Variants in OR4N5 observed in about 807,000 individuals in gnomAD.
OR4N5 encodes olfactory receptor family 4 subfamily N member 5, also known as olfactory receptor 4N5.
For missense variants in OR4N5, 428 were observed against 370.0 expected (o/e 1.16, Z -1.29); for synonymous variants, 155 against 140.6 (o/e 1.10, Z -0.72).
At chr14:20,141,790 A>T (rs1374000003) in intron 2 of OR4N5, among the ~76,000 whole-genome samples, 1 of 152,194 alleles carries the variant, frequency 6.6e-6, no homozygotes, top group Non-Finnish European at 1.5e-5. Flanking sequence ...AAAATTCACC[A>T]TTTAAAGTAT....
In OR4N5 at chr14:20,144,500, T is replaced by C; in HGVS notation, c.765T>C (p.Ile255=). ...IIIFLMFGPA[I]FIYTCPFQAF... ...TATTTCTCATGTTTGGACCTGCTAT[T>C]TTCATCTACACTTGCCCCTTCCAGG... The change falls in exon 3 of 3, where the codon ATT becomes ATC. Residue 255 remains isoleucine (I), a synonymous_variant. Transcript: ENST00000641086. The C allele has an allele frequency of 6.2e-7, 1 of 1,613,952 alleles. No individual in the cohort carries two copies. The highest frequency in any genetic ancestry group is 2.2e-5 in the East Asian group (1 of 44,844).
chr14:20,141,457 A>G (rs1354350858), intron 2 of OR4N5, among the ~76,000 whole-genome samples: 1 of 152,208 alleles, frequency 6.6e-6, no homozygotes, highest in Non-Finnish European at 1.5e-5. Flanking sequence ...CATGTGTTGT[A>G]AGTACTTATT....
intron 1 of OR4N5, among the ~76,000 whole-genome samples, chr14:20,140,473 G>A (rs1459615507): frequency 1.3e-5 from 2 of 152,302 alleles, no homozygotes; most frequent in South Asian, 2.1e-4. Context: ...AGTGAATGAG[G>A]AAGGATAAGG....
At position 20,144,012 on chromosome 14, in the gene OR4N5, T is replaced by A; in HGVS notation, c.277T>A (p.Ser93Thr). The A allele has an allele frequency of 6.2e-7, 1 of 1,614,078 alleles. No homozygotes were observed. The highest frequency in any genetic ancestry group is 8.5e-7 in the Non-Finnish European group (1 of 1,179,980). ...CTTCCTCTCTGAGAAGAAGGTAATCTCCTATAGAAGCTGCATCACTCAGCT... is the reference window on the plus strand; with the variant it reads ...CTTCCTCTCTGAGAAGAAGGTAATCACCTATAGAAGCTGCATCACTCAGCT... Reference protein sequence around the residue: ...VDFLSEKKVISYRSCITQLFF... With the variant: ...VDFLSEKKVITYRSCITQLFF... Residue 93 changes from serine (S) to threonine (T), a missense_variant, in exon 3 of 3, where the codon TCC becomes ACC. By Grantham distance (58) the Ser-to-Thr change is moderately conservative. Coordinates refer to ENST00000641086, the MANE Select transcript of OR4N5 (RefSeq NM_001004724.2).
rs1878665255 is a variant in OR4N5 at position 20,143,808 on chromosome 14, CT to C, written c.75del (p.Leu26TrpfsTer5). 6.2e-7 allele frequency: 1 copy of C among 1,613,890 alleles called. No homozygotes were observed. Among genetic ancestry groups the C allele is most frequent in the Non-Finnish European group, 8.5e-7 (1 of 1,179,896 alleles). ...TCTGACCCAGTCTCAAGATGCTCAA[CT>C]TCTGGTCTTTGTGCTAGTCTTAATT... is the stretch of plus-strand genomic sequence containing the variant. Reference protein sequence around the residue: ...LGLTQSQDAQLLVFVLVLIFY... With the variant: ...LGLTQSQDAQXLVFVLVLIFY... On this transcript the variant is annotated frameshift_variant, in exon 3 of 3. Transcript: ENST00000641086. LOFTEE classifies it low-confidence loss of function (END_TRUNC).
Position 20,144,645 on chromosome 14 carries a change from C to A in OR4N5, c.910C>A (p.Gln304Lys). 1.2e-6 allele frequency: 2 copies of A among 1,607,694 alleles called. No homozygotes were observed. Among genetic ancestry groups the A allele is most frequent in the South Asian group, 2.2e-5 (2 of 90,086 alleles). Residue 304 changes from glutamine (Q) to lysine (K), a missense_variant, in exon 3 of 3, where the codon CAA becomes AAA. Physicochemically the swap from Gln to Lys is moderately conservative, Grantham distance 53. Transcript: ENST00000641086. ...AGCTTCCATGAGGAAGTTGTTAAGT[C>A]AACATATGTTTTGCTGAATAGAAGA... ...VKASMRKLLS[Q>K]HMFC
intron 2 of OR4N5, among the ~76,000 whole-genome samples, chr14:20,142,597 G>C (rs571912565): frequency 6.6e-6 from 1 of 152,156 alleles, no homozygotes; most frequent in South Asian, 2.1e-4. Flanking sequence ...TTTAGACAAA[G>C]CTATGGCCAG....
intron 2 of OR4N5, 66 bp from the exon 3 acceptor site, chr14:20,143,659 A>G (rs866454273): frequency 1.9e-6 from 2 of 1,028,876 alleles, no homozygotes; most frequent in Middle Eastern, 2.1e-4. Flanking sequence ...TTATCTGGAG[A>G]GGAGATAGAA....
chr14:20,141,172 A>G lies in OR4N5; in HGVS notation c.-51A>G, dbSNP rs1030658174. The G allele has an allele frequency of 1.3e-5, 2 of 152,132 alleles. No homozygotes were observed. Among genetic ancestry groups the G allele is most frequent in the Admixed American group, 6.6e-5 (1 of 15,260 alleles). The allele number at this position is 152,132 out of a possible 1,614,324, so 9.4% of individuals were successfully genotyped here. On this transcript the variant is annotated 5_prime_UTR_variant, in exon 2 of 3. Coordinates refer to ENST00000641086, the MANE Select transcript of OR4N5 (RefSeq NM_001004724.2). ...GGAATCCTCAACCTGGAGAAGCATG[A>G]GATAACTAACTATAATTGAACATCT...
chr14:20,139,607 A>G (rs1308656103), intron 1 of OR4N5, among the ~76,000 whole-genome samples: 1 of 152,076 alleles, frequency 6.6e-6, no homozygotes, highest in Non-Finnish European at 1.5e-5. Flanking sequence ...CATGGTATCC[A>G]TTTTTTGCTA....
chr14:20,143,781 G>C lies in OR4N5; in HGVS notation c.46G>C (p.Gly16Arg), dbSNP rs1427769827. The part of the protein sequence containing the change: ...LTVVTEFILL[G>R]LTQSQDAQLL... ...AGTGGTGACAGAATTCATTCTTCTTGGTCTGACCCAGTCTCAAGATGCTCA... is the reference window on the plus strand; with the variant it reads ...AGTGGTGACAGAATTCATTCTTCTTCGTCTGACCCAGTCTCAAGATGCTCA... Residue 16 changes from glycine to arginine, a missense_variant, in exon 3 of 3, where the codon GGT becomes CGT. Transcript: ENST00000641086. 1.9e-6 allele frequency: 3 copies of C among 1,613,560 alleles called. No homozygotes were observed. Among genetic ancestry groups the C allele is most frequent in the South Asian group, 1.1e-5 (1 of 91,000 alleles).
chr14:20,144,122 T>A lies in OR4N5; in HGVS notation c.387T>A (p.Pro129=), dbSNP rs1435655326. ...AFDRYIAICR[P]LHYSTIMNPR... is the part of the protein sequence containing the mutation. ...ACCGCTACATCGCCATCTGCCGGCC[T>A]TTACACTATTCAACCATCATGAACC... The change falls in exon 3 of 3, where the codon CCT becomes CCA. Residue 129 remains proline, a synonymous_variant. Transcript: ENST00000641086. 1.9e-6 allele frequency: 3 copies of A among 1,614,028 alleles called. No homozygotes were observed. The African/African-American group carries it at 4.0e-5, about 22-fold the overall frequency.
intron 1 of OR4N5, among the ~76,000 whole-genome samples, chr14:20,140,126 G>A (rs906170064): frequency 5.9e-5 from 9 of 152,136 alleles, no homozygotes; most frequent in African/African-American, 2.2e-4. Flanking sequence ...CTCTACCTTG[G>A]AACAGGTTAA....
Position 20,140,960 on chromosome 14 carries a change from A to G in OR4N5, c.-263A>G, listed in dbSNP as rs1692790378. ...TGTGTCCTCCATCTCTGTGACAAAT[A>G]CAATTTGAGAATCAACAGAACAAAA... is the stretch of plus-strand genomic sequence containing the variant. On this transcript the variant is annotated 5_prime_UTR_variant, in exon 2 of 3. In the 5' UTR this introduces an upstream ATG that the reference lacks. Transcript: ENST00000641086. 2 of 152,098 alleles carry G rather than the reference A, an allele frequency of 1.3e-5. No homozygotes were observed. Among genetic ancestry groups the G allele is most frequent in the African/African-American group, 4.8e-5 (2 of 41,424 alleles). 9.4% of individuals were successfully genotyped at this position (152,098 alleles called of 1,614,324 possible).
At chr14:20,140,400 A>G (rs546927685) in intron 1 of OR4N5, among the ~76,000 whole-genome samples, 84 of 152,328 alleles carry the variant, frequency 5.5e-4, no homozygotes, top group Non-Finnish European at 4.7e-4. Flanking sequence ...AAATGAGTGT[A>G]TGAAGACAGA....
chr14:20,139,378 T>C (rs1878571470), intron 1 of OR4N5, among the ~76,000 whole-genome samples: 1 of 152,160 alleles, frequency 6.6e-6, no homozygotes, highest in Admixed American at 6.6e-5. Flanking sequence ...TGTTTCCCCA[T>C]CTGCACATGG....
chr14:20,144,261 A>G lies in OR4N5; in HGVS notation c.526A>G (p.Asn176Asp), dbSNP rs898831712. Residue 176 changes from asparagine (N) to aspartate (D), a missense_variant, in exon 3 of 3, where the codon AAC becomes GAC. Physicochemically the swap from Asn to Asp is conservative, Grantham distance 23. Coordinates refer to ENST00000641086, the MANE Select transcript of OR4N5 (RefSeq NM_001004724.2). ...LPFCGPNQLD[N>D]FFCDVPQVIK... ...TTTCTGTGGCCCAAACCAGCTCGAT[A>G]ACTTCTTCTGTGATGTTCCACAGGT... 2 of 1,613,996 alleles carry G rather than the reference A, an allele frequency of 1.2e-6. No individual in the cohort carries two copies. The highest frequency in any genetic ancestry group is 1.1e-5 in the South Asian group (1 of 91,066).
chr14:20,142,104 A>G (rs892327572), intron 2 of OR4N5, among the ~76,000 whole-genome samples: 7 of 152,210 alleles, frequency 4.6e-5, no homozygotes, highest in Admixed American at 3.3e-4. Flanking sequence ...CAACACGATC[A>G]TTAAAATACA....
Position 20,145,031 on chromosome 14 carries a change from C to T in OR4N5, c.*369C>T, listed in dbSNP as rs1308765969. On this transcript the variant is annotated 3_prime_UTR_variant, in exon 3 of 3. Coordinates refer to ENST00000641086, the MANE Select transcript of OR4N5 (RefSeq NM_001004724.2). ...TACTTTTGGTTGTTAAGTGAGGCCT[C>T]AAGTGGTGTTTAGCTGAAACCAATA... 5.8e-6 allele frequency: 1 copy of T among 172,470 alleles called. No individual in the cohort carries two copies. Among genetic ancestry groups the T allele is most frequent in the Non-Finnish European group, 1.2e-5 (1 of 81,268 alleles). 10.7% of individuals were successfully genotyped at this position (172,470 alleles called of 1,614,324 possible).
Sources: gnomAD v4.1 joint callset for allele counts (sites outside exome capture counted in the v4.1 genomes callset) on GRCh38, gnomAD v4.1.1 for gene constraint, MANE v1.5 for transcripts, NCBI Gene and HGNC (gene_info 2026-07-23, HGNC 2026-07-21) for gene names.